The following SHROOM3 variants were observed in gnomAD, a reference collection of about 807,000 sequenced individuals.
The protein encoded by SHROOM3 is protein Shroom3.
SHROOM3 carries 47 observed loss-of-function variants against 138.6 expected under a neutral mutation model. The observed-to-expected ratio is 0.34, with a 90% confidence interval of 0.27 to 0.43. The LOEUF is 0.43. Ranked by LOEUF, SHROOM3 falls within the 20% of genes least tolerant of loss-of-function variation. SHROOM3 has a pLI of 1.00. For missense variants in SHROOM3, 2,491 were observed against 2,596.5 expected (o/e 0.96, Z 0.88); for synonymous variants, 1,062 against 1,063.3 (o/e 1.00, Z 0.02).
intron 9 of SHROOM3, among the ~76,000 whole-genome samples, chr4:76,763,386 CAA>C (rs954681704): frequency 7.2e-6 from 1 of 139,786 alleles, no homozygotes. Context: ...GACTCCATCT[CAA>C]AAAAAAAAAA....
chr4:76,490,834 G>A (rs1183083424), intron 1 of SHROOM3, among the ~76,000 whole-genome samples: 1 of 152,142 alleles, frequency 6.6e-6, no homozygotes, highest in Non-Finnish European at 1.5e-5. Flanking sequence ...CCCTGTACTA[G>A]CATCACCTCC....
intron 2 of SHROOM3, among the ~76,000 whole-genome samples, chr4:76,630,334 T>G (rs1735279206): frequency 6.6e-6 from 1 of 152,202 alleles, no homozygotes. Flanking sequence ...ACTTGCAGCT[T>G]CATTAGATGG....
At position 76,778,848 on chromosome 4, in the gene SHROOM3, C is replaced by A. The variant is rs1307797987; in HGVS notation, c.5662C>A (p.His1888Asn). 4 of 1,612,578 alleles carry A rather than the reference C, an allele frequency of 2.5e-6. No homozygotes were observed. The highest frequency in any genetic ancestry group is 3.4e-6 in the Non-Finnish European group (4 of 1,180,030). ...GAAAAGGAAGATCCTGGCTGGTCAG[C>A]ATGAGGATGCCCGGGAGCTGAAGGA... ...YEKRKILAGQ[H>N]EDARELKENL... Residue 1888 changes from histidine (H) to asparagine (N), a missense_variant, in exon 11 of 11, where the codon CAT becomes AAT. His to Asn is a moderately conservative substitution (Grantham distance 68, BLOSUM62 1). Coordinates refer to ENST00000296043, the MANE Select transcript of SHROOM3 (RefSeq NM_020859.4).
intron 2 of SHROOM3, among the ~76,000 whole-genome samples, chr4:76,650,746 A>T (rs890791502): frequency 3.3e-5 from 5 of 152,030 alleles, no homozygotes; most frequent in African/African-American, 9.6e-5. Flanking sequence ...GGTTTCAGCA[A>T]CTTGGCCAGG....
Position 76,755,143 on chromosome 4 carries a change from G to A in SHROOM3, c.4660G>A (p.Val1554Ile). The change falls in exon 7 of 11, where the codon GTA becomes ATA. Residue 1554 changes from valine to isoleucine, a missense_variant. This residue lies in a region of SHROOM3 where 470 missense variants were observed against 595.0 expected (regional missense o/e 0.79). Coordinates refer to ENST00000296043, the MANE Select transcript of SHROOM3 (RefSeq NM_020859.4). ...CTTCCCTCCACCTCCTCCCCACACT[G>A]TATGTGAGGCGCAGCTGGACAGTGA... ...DDFPPPPPHT[V>I]CEAQLDSEDP... is the part of the protein sequence containing the mutation. 6.2e-7 allele frequency: 1 copy of A among 1,610,678 alleles called. No individual in the cohort carries two copies. Among genetic ancestry groups the A allele is most frequent in the Non-Finnish European group, 8.5e-7 (1 of 1,179,552 alleles).
At chr4:76,596,581 A>AACACACACAC (rs58214296) in intron 2 of SHROOM3, among the ~76,000 whole-genome samples, 2,762 of 138,162 alleles carry the variant, frequency 0.02, 43 homozygotes, top group East Asian at 0.034. Flanking sequence ...GGTACAGAGA[A>AACACACACAC]ACACACACAC....
intron 1 of SHROOM3, among the ~76,000 whole-genome samples, chr4:76,503,096 C>A (rs1325058658): frequency 1.3e-5 from 2 of 151,482 alleles, no homozygotes; most frequent in Non-Finnish European, 2.9e-5. Context: ...CAGCTTTGTT[C>A]TTGAAGATTG....
At chr4:76,513,330 GT>G (rs10656340) in intron 1 of SHROOM3, among the ~76,000 whole-genome samples, 12 of 148,410 alleles carry the variant, frequency 8.1e-5, no homozygotes, top group African/African-American at 9.9e-5. Flanking sequence ...AAAATAATAT[GT>G]TTTTTTTTTT....
At chr4:76,441,720 A>T (rs1394131987) in intron 1 of SHROOM3, among the ~76,000 whole-genome samples, 2 of 150,980 alleles carry the variant, frequency 1.3e-5, no homozygotes, top group Non-Finnish European at 3.0e-5. Context: ...TTTTTATTTT[A>T]ATTATTATTT....
chr4:76,657,822 TC>T (rs1736097654), intron 2 of SHROOM3, among the ~76,000 whole-genome samples: 1 of 152,186 alleles, frequency 6.6e-6, no homozygotes, highest in Admixed American at 6.5e-5. Flanking sequence ...CAACACCTGG[TC>T]CCCTGCAGAC....
chr4:76,462,863 T>C (rs1731171453), intron 1 of SHROOM3, among the ~76,000 whole-genome samples: 2 of 152,158 alleles, frequency 1.3e-5, no homozygotes. Flanking sequence ...ATGCTTCCCA[T>C]GTAGCCTGTG....
chr4:76,448,993 CCT>C (rs1270429443), intron 1 of SHROOM3, among the ~76,000 whole-genome samples: 2 of 152,130 alleles, frequency 1.3e-5, no homozygotes, highest in Non-Finnish European at 2.9e-5. Flanking sequence ...CGGTCTTCAC[CCT>C]CTCATGGGAT....
rs1279832576 is a variant in SHROOM3, at chr4:76,585,713, T to G, written c.323+29950T>G. Among the ~76,000 whole-genome samples the G allele has an allele frequency of 5.9e-5, 9 of 152,328 alleles. No homozygotes were observed. In the East Asian group the frequency reaches 7.7e-4, roughly 13 times the overall value. On this transcript the variant is annotated intron_variant, in intron 2 of 10. Coordinates refer to ENST00000296043, the MANE Select transcript of SHROOM3 (RefSeq NM_020859.4). ...AGCAGCATCTTTATTATAAATGATC[T>G]ATTTTTATGTCTGTGGTGATTTTTA...
At chr4:76,765,351 CA>C (rs35934138) in intron 9 of SHROOM3, among the ~76,000 whole-genome samples, 13,799 of 79,798 alleles carry the variant, frequency 0.17, 815 homozygotes, top group African/African-American at 0.3. Context: ...CCCATCTCTA[CA>C]AAAAAAAAAA....
chr4:76,741,370 A>C lies in SHROOM3; in HGVS notation c.3197A>C (p.Lys1066Thr). 6.2e-7 allele frequency: 1 copy of C among 1,606,098 alleles called. No homozygotes were observed. Among genetic ancestry groups the C allele is most frequent in the Non-Finnish European group, 8.5e-7 (1 of 1,177,188 alleles). Residue 1066 changes from lysine (K) to threonine (T), a missense_variant, in exon 5 of 11, where the codon AAG becomes ACG. By Grantham distance (78) the Lys-to-Thr change is moderately conservative. Around this residue, in one of 4 missense-constraint regions of SHROOM3, gnomAD observed 1,733 missense variants for 1,661.6 expected, o/e 1.04. Transcript: ENST00000296043. This position sits in a 1 kb window ranked among gnomAD's most constrained non-coding sequence, Gnocchi z 6.2. Reference protein sequence around the residue: ...DRRRLFERDGKACSTLSLSGP... With the variant: ...DRRRLFERDGTACSTLSLSGP... ...CGCCGTCTCTTCGAGCGCGATGGCA[A>C]GGCCTGCTCCACGCTCAGCCTGTCG...
At chr4:76,778,305 T>C (rs1722639516) in intron 10 of SHROOM3, among the ~76,000 whole-genome samples, 1 of 150,964 alleles carries the variant, frequency 6.6e-6, no homozygotes, top group African/African-American at 2.4e-5. Context: ...CACTGCAACC[T>C]CTGCCTCCTG....
intron 2 of SHROOM3, among the ~76,000 whole-genome samples, chr4:76,604,689 CTT>C (rs1360809526): frequency 6.6e-6 from 1 of 152,146 alleles, no homozygotes; most frequent in Admixed American, 6.5e-5. Flanking sequence ...ATGTCTGAAA[CTT>C]TTGAAATCAC....
At chr4:76,541,736 T>C (rs1444126802) in intron 1 of SHROOM3, among the ~76,000 whole-genome samples, 2 of 152,094 alleles carry the variant, frequency 1.3e-5, no homozygotes, top group African/African-American at 2.4e-5. Flanking sequence ...AGAAACTAGT[T>C]TGGGGCTGGA....
At chr4:76,693,394 A>G (rs201658318) in intron 2 of SHROOM3, among the ~76,000 whole-genome samples, 17 of 18,926 alleles carry the variant, frequency 9.0e-4, no homozygotes, top group African/African-American at 6.2e-3. Flanking sequence ...TTTTTTTTTT[A>G]AAGCAACAAG....
Sources: allele counts gnomAD v4.1 joint callset (sites outside exome capture counted in the v4.1 genomes callset), GRCh38; gene constraint gnomAD v4.1.1; regional missense constraint gnomAD v4.1.1; non-coding constraint Gnocchi (gnomAD v3.1); transcripts MANE v1.5; gene names NCBI Gene and HGNC (gene_info 2026-07-23, HGNC 2026-07-21).